Variants in ZNF202 observed in about 807,000 individuals in gnomAD.
The protein encoded by ZNF202 is zinc finger protein 202, also known as zinc finger protein with KRAB and SCAN domains 10.
A neutral mutation model predicts 54.5 loss-of-function variants in ZNF202; 22 were observed. The ratio of observed to expected loss-of-function variants is 0.40; its 90% CI spans 0.29 to 0.58. The LOEUF is 0.58. Ranked by LOEUF, ZNF202 falls within the 20% of genes least tolerant of loss-of-function variation. The probability of loss-of-function intolerance (pLI) is 0.39; values close to 1 mark genes in which losing one functional copy is unlikely to be tolerated. For synonymous variants in ZNF202, 294 were observed against 301.4 expected (o/e 0.98, Z 0.26); for missense variants, 644 against 805.5 (o/e 0.80, Z 2.43).
Position 123,729,168 on chromosome 11 carries a change from A to G in ZNF202, c.660T>C (p.Ser220=). Residue 220 remains serine (S), a synonymous_variant, in exon 6 of 9, where the codon TCT becomes TCC. Coordinates refer to ENST00000530393, the MANE Select transcript of ZNF202 (RefSeq NM_003455.4). Reference sequence around the variant, plus strand: ...GAAGAGCAACCATCTCTGAGTCTCCAGAGCTCCTCTCTGCAGGAAGGTCTG... The same window carrying G: ...GAAGAGCAACCATCTCTGAGTCTCCGGAGCTCCTCTCTGCAGGAAGGTCTG... The part of the protein sequence containing the change: ...EDPDLPAERS[S]GDSEMVALLT... The G allele has an allele frequency of 6.2e-7, 1 of 1,614,008 alleles. No individual in the cohort carries two copies.
chr11:123,728,308 C>G (rs1429641685), intron 6 of ZNF202, 46 bp from the exon 7 acceptor site: 1 of 1,563,496 alleles, frequency 6.4e-7, no homozygotes, highest in South Asian at 1.1e-5. Flanking sequence ...CTACGGGTAG[C>G]CTCGTATTTT....
chr11:123,739,285 G>A (rs1418142631), intron 3 of ZNF202: 1 of 152,178 alleles, frequency 6.6e-6, no homozygotes, highest in African/African-American at 2.4e-5. Flanking sequence ...GCTTTACTGT[G>A]TAGCATAAGG....
rs1407867740 is a variant in ZNF202 at position 123,725,430 on chromosome 11, A to C, written c.*567T>G. On this transcript the variant is annotated 3_prime_UTR_variant, in exon 9 of 9. Transcript: ENST00000530393. ...CCACTTCCATTTCTCCTCAGCATCA[A>C]AGGAAAGTGCATGGTAAGAAGTGAA... 1 of 152,254 alleles carries C rather than the reference A, an allele frequency of 6.6e-6. No individual in the cohort carries two copies. Among genetic ancestry groups the C allele is most frequent in the Non-Finnish European group, 1.5e-5 (1 of 68,150 alleles). The allele number at this position is 152,254 out of a possible 1,614,324, so 9.4% of individuals were successfully genotyped here. A position where few individuals can be genotyped will look rare whatever the true frequency, so the allele number is the denominator to read the frequency against.
intron 3 of ZNF202, among the ~76,000 whole-genome samples, chr11:123,733,399 C>T (rs1428178293): frequency 6.6e-6 from 1 of 152,194 alleles, no homozygotes; most frequent in African/African-American, 2.4e-5. Context: ...CCTCTGCTAT[C>T]TCTACCTCAT....
At chr11:123,729,512 G>T in intron 5 of ZNF202, 103 bp downstream of exon 5, 1 of 1,322,858 alleles carries the variant, frequency 7.6e-7, no homozygotes, top group Non-Finnish European at 1.0e-6. Context: ...TTTCCATACA[G>T]TCTATCTACC....
At position 123,724,959 on chromosome 11, in the gene ZNF202, C is replaced by G. The variant is rs1399410572; in HGVS notation, c.*1038G>C. ...TTGGTCTTAGTCGTTCTCCAGTTGT[C>G]TTCATGTAAATAAAGTGGCCCATGG... On this transcript the variant is annotated 3_prime_UTR_variant, in exon 9 of 9. Coordinates refer to ENST00000530393, the MANE Select transcript of ZNF202 (RefSeq NM_003455.4). The G allele has an allele frequency of 6.6e-6, 1 of 152,180 alleles. No individual in the cohort carries two copies. Among genetic ancestry groups the G allele is most frequent in the East Asian group, 1.9e-4 (1 of 5,192 alleles). 9.4% of individuals were successfully genotyped at this position (152,180 alleles called of 1,614,324 possible).
chr11:123,727,619 A>G (rs1861212547), intron 7 of ZNF202, 24 bp from the exon 8 acceptor site: 4 of 1,613,572 alleles, frequency 2.5e-6, no homozygotes, highest in Admixed American at 1.7e-5. Context: ...GGAAAATAGG[A>G]TATCACGATT....
In ZNF202 at chr11:123,726,409, G is replaced by A. The variant is rs1233181313; in HGVS notation, c.1535C>T (p.Thr512Ile). Residue 512 changes from threonine (T) to isoleucine (I), a missense_variant, in exon 9 of 9, where the codon ACT becomes ATT. Thr to Ile is a moderately conservative substitution (Grantham distance 89, BLOSUM62 -1). Transcript: ENST00000530393. The surrounding 1 kb of genome is among the most constrained non-coding windows in gnomAD (Gnocchi z 6.0). Reference protein sequence around the residue: ...THTGEKPFFCTICGKSFSQKS... With the variant: ...THTGEKPFFCIICGKSFSQKS... ...CTGGCTGAAGCTTTTGCCACAAATAGTACAAAAGAAGGGTTTTTCTCCAGT... is the reference window on the plus strand; with the variant it reads ...CTGGCTGAAGCTTTTGCCACAAATAATACAAAAGAAGGGTTTTTCTCCAGT... The A allele has an allele frequency of 6.2e-7, 1 of 1,614,098 alleles. No individual in the cohort carries two copies. The highest frequency in any genetic ancestry group is 8.5e-7 in the Non-Finnish European group (1 of 1,180,046).
chr11:123,725,971 G>A lies in ZNF202; in HGVS notation c.*26C>T, dbSNP rs1170148750. ...CACCTCCCTTAGGTGAGGGCTGAAA[G>A]CAGATCTCCTCACATGGGGACCTAG... On this transcript the variant is annotated 3_prime_UTR_variant, in exon 9 of 9. Coordinates refer to ENST00000530393, the MANE Select transcript of ZNF202 (RefSeq NM_003455.4). 1.3e-6 allele frequency: 2 copies of A among 1,588,082 alleles called. No homozygotes were observed. The highest frequency in any genetic ancestry group is 1.7e-5 in the Admixed American group (1 of 58,158).
Position 123,726,324 on chromosome 11 carries a change from TCCACA to T in ZNF202, c.1615_1619del (p.Cys539ArgfsTer4). Reference sequence around the variant, plus strand: ...GTTCACTGAAGTCCTCACCACACTCTCCACACAAGTAGGGTTTGCCTCCCAGGTGG... The same window carrying T: ...GTTCACTGAAGTCCTCACCACACTCTCAAGTAGGGTTTGCCTCCCAGGTGG... On this transcript the variant is annotated frameshift_variant, in exon 9 of 9. Coordinates refer to ENST00000530393, the MANE Select transcript of ZNF202 (RefSeq NM_003455.4). LOFTEE classifies it high-confidence loss of function. The surrounding 1 kb of genome is among the most constrained non-coding windows in gnomAD (Gnocchi z 6.0). 1.2e-6 allele frequency: 2 copies of T among 1,614,208 alleles called. No individual in the cohort carries two copies. The highest frequency in any genetic ancestry group is 1.7e-6 in the Non-Finnish European group (2 of 1,180,036).
In ZNF202 at chr11:123,741,600, A is replaced by C. The variant is rs986667174; in HGVS notation, c.-345T>G. 1 of 147,418 alleles carries C rather than the reference A, an allele frequency of 6.8e-6. No homozygotes were observed. Among genetic ancestry groups the C allele is most frequent in the Non-Finnish European group, 1.5e-5 (1 of 66,882 alleles). The allele number at this position is 147,418 out of a possible 1,614,324, so 9.1% of individuals were successfully genotyped here. A position where few individuals can be genotyped will look rare whatever the true frequency, so the allele number is the denominator to read the frequency against. On this transcript the variant is annotated 5_prime_UTR_variant, in exon 1 of 9. Coordinates refer to ENST00000530393, the MANE Select transcript of ZNF202 (RefSeq NM_003455.4). ...CCCTGCCCCGGCTTCTCTCCCACCC[A>C]CTCCCGACCGAAACAGCGCCGCCGG...
rs377230991 is a variant in ZNF202 at position 123,730,435 on chromosome 11, C to T, written c.402+52G>A. The stretch of plus-strand genomic sequence containing the variant: ...AAGCTCTCCCCGCAAATCCAGCCTT[C>T]CAGCAAATAGTCCCCCTCCACATCA... On this transcript the variant is annotated intron_variant, in intron 4 of 8. Transcript: ENST00000530393. The surrounding 1 kb of genome is among the most constrained non-coding windows in gnomAD (Gnocchi z 6.0). 2.2e-3 allele frequency: 3,257 copies of T among 1,482,674 alleles called. 5 individuals are homozygous for T. Among genetic ancestry groups the T allele is most frequent in the Non-Finnish European group, 2.6e-3 (2,917 of 1,118,394 alleles). The allele number at this position is 1,482,674 out of a possible 1,614,324, so 91.8% of individuals were successfully genotyped here. A position where few individuals can be genotyped will look rare whatever the true frequency, so the allele number is the denominator to read the frequency against.
rs1392020627 is a variant in ZNF202, at chr11:123,741,644, C to T, written c.-389G>A. ...CCGCCGGATCCGAGCCGCGCGGGGCCTAGCGGGTCGGAACACGTGGGGCCT... is the reference window on the plus strand; with the variant it reads ...CCGCCGGATCCGAGCCGCGCGGGGCTTAGCGGGTCGGAACACGTGGGGCCT... On this transcript the variant is annotated 5_prime_UTR_variant, in exon 1 of 9. Coordinates refer to ENST00000530393, the MANE Select transcript of ZNF202 (RefSeq NM_003455.4). 6.5e-6 allele frequency: 1 copy of T among 152,750 alleles called. No individual in the cohort carries two copies. The highest frequency in any genetic ancestry group is 1.5e-5 in the Non-Finnish European group (1 of 68,096). 9.5% of individuals were successfully genotyped at this position (152,750 alleles called of 1,614,324 possible). A position where few individuals can be genotyped will look rare whatever the true frequency, so the allele number is the denominator to read the frequency against.
At chr11:123,734,689 G>A (rs1188825893) in intron 3 of ZNF202, among the ~76,000 whole-genome samples, 1 of 152,166 alleles carries the variant, frequency 6.6e-6, no homozygotes, top group Non-Finnish European at 1.5e-5. Flanking sequence ...TGAGGGCAGG[G>A]ATATGCTGTG....
intron 3 of ZNF202, 25 bp from the exon 4 acceptor site, chr11:123,731,010 A>C: frequency 1.7e-6 from 2 of 1,168,410 alleles, no homozygotes; most frequent in Non-Finnish European, 2.4e-6. Flanking sequence ...AAAGACAAAC[A>C]AGAGTATAAG....
chr11:123,732,467 T>C (rs1383185658), intron 3 of ZNF202, among the ~76,000 whole-genome samples: 2 of 152,226 alleles, frequency 1.3e-5, no homozygotes, highest in Admixed American at 1.3e-4. Context: ...CTTTTGAATA[T>C]GCTGTTTCTT....
chr11:123,727,647 T>G, intron 7 of ZNF202, 52 bp from the exon 8 acceptor site: 2 of 1,608,658 alleles, frequency 1.2e-6, no homozygotes, highest in Non-Finnish European at 1.7e-6. Context: ...CAATTCCCTG[T>G]GTTAAGAGCG....
At chr11:123,732,246 G>C (rs1861439362) in intron 3 of ZNF202, among the ~76,000 whole-genome samples, 1 of 152,144 alleles carries the variant, frequency 6.6e-6, no homozygotes, top group African/African-American at 2.4e-5. Context: ...ATCAGAACGA[G>C]CTCTCTTGGC....
At position 123,726,138 on chromosome 11, in the gene ZNF202, G is replaced by A. The variant is rs745755901; in HGVS notation, c.1806C>T (p.Phe602=). 1 of 1,614,240 alleles carries A rather than the reference G, an allele frequency of 6.2e-7. No homozygotes were observed. Among genetic ancestry groups the A allele is most frequent in the South Asian group, 1.1e-5 (1 of 91,080 alleles). ...PCRCNECGKS[F]SRRDHLVRHQ... ...GCCTGACGAGGTGGTCCCTGCGACT[G>A]AAGCTCTTCCCACATTCGTTGCATC... The change falls in exon 9 of 9, where the codon TTC becomes TTT. Residue 602 remains phenylalanine (F), a synonymous_variant. Coordinates refer to ENST00000530393, the MANE Select transcript of ZNF202 (RefSeq NM_003455.4). This position sits in a 1 kb window ranked among gnomAD's most constrained non-coding sequence, Gnocchi z 6.0.
Sources: gnomAD v4.1 joint callset for allele counts (sites outside exome capture counted in the v4.1 genomes callset) on GRCh38, gnomAD v4.1.1 for gene constraint, Gnocchi (gnomAD v3.1) non-coding constraint, MANE v1.5 for transcripts, NCBI Gene and HGNC (gene_info 2026-07-23, HGNC 2026-07-21) for gene names.